The following KCNN2 variants were observed in gnomAD, a reference collection of about 807,000 sequenced individuals.
KCNN2 encodes potassium calcium-activated channel subfamily N member 2, also known as small conductance calcium-activated potassium channel protein 2.
Under a neutral mutation model 55.5 loss-of-function variants are expected in KCNN2, and 24 were observed. The ratio of observed to expected loss-of-function variants is 0.43; its 90% confidence interval spans 0.31 to 0.61. KCNN2 has a LOEUF of 0.61. KCNN2 is among the 20% of genes least tolerant of loss of function. The probability of loss-of-function intolerance (pLI) is 0.08; values close to 1 mark genes in which losing one functional copy is unlikely to be tolerated. For missense variants in KCNN2, 754 were observed against 853.6 expected (o/e 0.88, Z 1.45); for synonymous variants, 431 against 336.1 (o/e 1.28, Z -3.09).
intron 2 of KCNN2, among the ~76,000 whole-genome samples, chr5:114,388,946 G>A (rs184938077): frequency 2.9e-4 from 44 of 152,238 alleles, no homozygotes; most frequent in Admixed American, 1.3e-3. Flanking sequence ...GGTCAACACT[G>A]TTATTTGGAA....
chr5:114,212,889 T>G (rs530357915), intron 1 of KCNN2, among the ~76,000 whole-genome samples: 5 of 152,168 alleles, frequency 3.3e-5, no homozygotes, highest in Admixed American at 6.6e-5. Context: ...CGATAAATTA[T>G]GTGAATGTTT....
intron 1 of KCNN2, among the ~76,000 whole-genome samples, chr5:114,079,507 C>G (rs1442191615): frequency 1.3e-5 from 2 of 152,136 alleles, no homozygotes; most frequent in African/African-American, 4.8e-5. Context: ...TCCTTTCTAG[C>G]TCTATGAGCC....
chr5:114,339,814 CAAAT>C lies in KCNN2; in HGVS notation c.-184-21099_-184-21096del, dbSNP rs373432627. Among the ~76,000 whole-genome samples the C allele has an allele frequency of 8.6e-3, 1,262 of 147,210 alleles. 8 individuals carry two copies. Among genetic ancestry groups the C allele is most frequent in the African/African-American group, 0.019 (745 of 39,104 alleles). ...CCAGACCTTATCACAAACAAACAAA[CAAAT>C]AAATAAATAAATAAATAAATAAATA... is the stretch of plus-strand genomic sequence containing the variant. On this transcript the variant is annotated intron_variant, in intron 2 of 10. Transcript: ENST00000512097.
At chr5:114,105,956 A>G (rs1751474352) in intron 1 of KCNN2, among the ~76,000 whole-genome samples, 1 of 151,900 alleles carries the variant, frequency 6.6e-6, no homozygotes, top group Non-Finnish European at 1.5e-5. Flanking sequence ...ACAGTTTTCT[A>G]ATTTGTTATA....
At chr5:114,292,478 G>GT (rs1561558346) in intron 2 of KCNN2, among the ~76,000 whole-genome samples, 1 of 152,148 alleles carries the variant, frequency 6.6e-6, no homozygotes, top group African/African-American at 2.4e-5. Context: ...TTTTTGCCAG[G>GT]TTTGTCAAAG....
At chr5:114,307,491 A>G (rs1756307988) in intron 2 of KCNN2, among the ~76,000 whole-genome samples, 1 of 152,002 alleles carries the variant, frequency 6.6e-6, no homozygotes, top group Non-Finnish European at 1.5e-5. Flanking sequence ...CACCCACCTT[A>G]CTTTTGCCAT....
intron 1 of KCNN2, among the ~76,000 whole-genome samples, chr5:114,092,607 G>A (rs935304968): frequency 1.1e-4 from 17 of 152,156 alleles, no homozygotes; most frequent in African/African-American, 4.1e-4. Flanking sequence ...TCTCCATGAG[G>A]GCTCCATCCC....
intron 2 of KCNN2, among the ~76,000 whole-genome samples, chr5:114,390,947 C>A (rs191852193): frequency 4.3e-4 from 66 of 152,132 alleles, no homozygotes; most frequent in South Asian, 2.7e-3. Flanking sequence ...GAGTAAGATT[C>A]TAATTAAGTC....
chr5:114,225,858 A>G (rs1296731997), intron 2 of KCNN2, among the ~76,000 whole-genome samples: 2 of 152,238 alleles, frequency 1.3e-5, no homozygotes, highest in African/African-American at 2.4e-5. Flanking sequence ...AAATTCAGAA[A>G]GATAATCATC....
intron 2 of KCNN2, among the ~76,000 whole-genome samples, chr5:114,309,472 T>C (rs1490868003): frequency 6.6e-6 from 1 of 152,176 alleles, no homozygotes; most frequent in Non-Finnish European, 1.5e-5. Context: ...TTGCTTTGTG[T>C]ATATGGTGAG....
At chr5:114,393,130 A>G (rs1036133788) in intron 2 of KCNN2, among the ~76,000 whole-genome samples, 5 of 152,056 alleles carry the variant, frequency 3.3e-5, no homozygotes, top group African/African-American at 7.2e-5. Context: ...TAAATCTTTC[A>G]TGTATATTGC....
At chr5:114,267,792 A>G (rs1009105648) in intron 2 of KCNN2, among the ~76,000 whole-genome samples, 4 of 152,208 alleles carry the variant, frequency 2.6e-5, no homozygotes, top group Admixed American at 2.0e-4. Context: ...TATTTACAAT[A>G]TAGTCAGACT....
intron 2 of KCNN2, among the ~76,000 whole-genome samples, chr5:114,386,999 ATG>A (rs1561600905): frequency 1.3e-5 from 2 of 152,100 alleles, no homozygotes; most frequent in African/African-American, 4.8e-5. Context: ...CTTCCTGGTT[ATG>A]TGTCATTCCC....
At chr5:114,235,952 T>C (rs1354238488) in intron 2 of KCNN2, among the ~76,000 whole-genome samples, 1 of 152,212 alleles carries the variant, frequency 6.6e-6, no homozygotes, top group Non-Finnish European at 1.5e-5. Context: ...AAGTGTGCTG[T>C]GCTAGTATTG....
chr5:114,346,699 T>A (rs891048121), intron 2 of KCNN2, among the ~76,000 whole-genome samples: 1 of 150,520 alleles, frequency 6.6e-6, no homozygotes, highest in Admixed American at 6.7e-5. Context: ...TGAAAGGGCC[T>A]GTAAAAAATG....
chr5:114,325,702 C>T (rs1756702328), intron 2 of KCNN2, among the ~76,000 whole-genome samples: 1 of 152,202 alleles, frequency 6.6e-6, no homozygotes, highest in Admixed American at 6.5e-5. Flanking sequence ...TAGTCACCAT[C>T]TGGTGACTCC....
intron 1 of KCNN2, among the ~76,000 whole-genome samples, chr5:114,059,772 G>GAT (rs1448522934): frequency 6.6e-6 from 1 of 152,212 alleles, no homozygotes; most frequent in East Asian, 1.9e-4. Context: ...ACACAGGATG[G>GAT]CCAGGAGAGC....
intron 1 of KCNN2, among the ~76,000 whole-genome samples, chr5:114,214,345 C>A (rs6893764): frequency 0.75 from 114,232 of 151,530 alleles, 43,459 homozygotes; most frequent in East Asian, 0.87. Flanking sequence ...TGTGGGCTAT[C>A]GTTTGTCCAC....
At chr5:114,270,147 T>C (rs1402794283) in intron 2 of KCNN2, among the ~76,000 whole-genome samples, 1 of 152,180 alleles carries the variant, frequency 6.6e-6, no homozygotes, top group Non-Finnish European at 1.5e-5. Flanking sequence ...AATTTTATAG[T>C]AATTGTTGGT....
Sources: allele counts gnomAD v4.1 joint callset (sites outside exome capture counted in the v4.1 genomes callset), GRCh38; gene constraint gnomAD v4.1.1; transcripts MANE v1.5; gene names NCBI Gene and HGNC (gene_info 2026-07-23, HGNC 2026-07-21).